Variants in ABCA1 observed in about 807,000 individuals in gnomAD.
The protein encoded by ABCA1 is ATP binding cassette subfamily A member 1, also known as phospholipid-transporting ATPase ABCA1.
ABCA1 carries 133 observed loss-of-function variants against 262.5 expected under a neutral mutation model. The observed-to-expected ratio is 0.51, with a 90% CI of 0.44 to 0.59. The LOEUF (loss-of-function observed/expected upper bound fraction) is 0.59, where lower values mean the gene tolerates loss of function less well. ABCA1 is among the 20% of genes least tolerant of loss of function. ABCA1 has a pLI of 0.00. For synonymous variants in ABCA1, 1,022 were observed against 1,043.5 expected, an observed-to-expected ratio of 0.98 and a Z score of 0.40; for missense variants, 2,452 against 2,777.5, an observed-to-expected ratio of 0.88 and a Z score of 2.63.
Position 104,802,127 on chromosome 9 carries a change from G to C in ABCA1, c.4625C>G (p.Thr1542Ser), listed in dbSNP as rs1166320596. 12 of 1,614,030 alleles carry C rather than the reference G, an allele frequency of 7.4e-6. No individual in the cohort carries two copies. The South Asian group carries it at 1.2e-4, about 16-fold the overall frequency. Residue 1542 changes from threonine (T) to serine (S), a missense_variant, in exon 34 of 50, where the codon ACT becomes AGT. Physicochemically the swap from Thr to Ser is moderately conservative, Grantham distance 58. Around this residue, in one of 4 missense-constraint regions of ABCA1, gnomAD observed 752 missense variants for 944.5 expected, o/e 0.80. Transcript: ENST00000374736. ...TTCTTGACTCGGAGGAAGTGCTTGA[G>C]TATTACTGACACCCAGGGAAAAGCC... ...YGGFSLGVSNTQALPPSQEVN... is the reference protein window; with the variant it reads ...YGGFSLGVSNSQALPPSQEVN...
rs934005022 is a variant in ABCA1, at chr9:104,920,340, C to G, written c.-93+7595G>C. 4.6e-5 allele frequency among the ~76,000 whole-genome samples: 7 copies of G among 152,240 alleles called. No homozygotes were observed. The East Asian group carries it at 1.4e-3, about 29-fold the overall frequency. ...TATGCATATTTGAAAAAAAGTTTAA[C>G]TAAAATTTAATGTTCCAAGTCTGAA... is the stretch of plus-strand genomic sequence containing the variant. On this transcript the variant is annotated intron_variant, in intron 1 of 49. Transcript: ENST00000374736.
rs2118381625 is a variant in ABCA1 at position 104,896,212 on chromosome 9, T to G, written c.67-7017A>C. 1.3e-5 allele frequency among the ~76,000 whole-genome samples: 2 copies of G among 152,280 alleles called. 1 individual carries two copies. The highest frequency in any genetic ancestry group is 4.1e-4 in the South Asian group (2 of 4,826). On this transcript the variant is annotated intron_variant, in intron 2 of 49. Coordinates refer to ENST00000374736, the MANE Select transcript of ABCA1 (RefSeq NM_005502.4). ...ATTCTCCTAAATAATAGCATTGCTA[T>G]TAGTCTCTGAAAACCAGTTAAATTA...
chr9:104,827,670 A>G (rs1047516222), intron 15 of ABCA1, among the ~76,000 whole-genome samples: 1 of 152,194 alleles, frequency 6.6e-6, no homozygotes, highest in Non-Finnish European at 1.5e-5. Context: ...TGATGGGTAC[A>G]TGTCTGCAGG....
intron 25 of ABCA1, among the ~76,000 whole-genome samples, chr9:104,815,827 G>A (rs764180083): frequency 1.3e-5 from 2 of 152,144 alleles, no homozygotes; most frequent in Non-Finnish European, 2.9e-5. Context: ...TCCTCACACT[G>A]TACTTAAGTA....
chr9:104,845,406 G>A, intron 8 of ABCA1, 71 bp downstream of exon 8: 2 of 1,107,642 alleles, frequency 1.8e-6, no homozygotes, highest in Non-Finnish European at 2.8e-6. Flanking sequence ...AGGACCTCTT[G>A]CCAGACTCAG....
chr9:104,893,554 T>C (rs751611440), intron 2 of ABCA1, among the ~76,000 whole-genome samples: 3 of 152,020 alleles, frequency 2.0e-5, no homozygotes, highest in Non-Finnish European at 4.4e-5. Flanking sequence ...AACTACCATT[T>C]GTACTTTAAG....
chr9:104,915,804 C>A (rs1396482497), intron 1 of ABCA1, among the ~76,000 whole-genome samples: 1 of 152,090 alleles, frequency 6.6e-6, no homozygotes. Flanking sequence ...CAATCCAATC[C>A]CCCAAGCAAC....
chr9:104,922,151 T>A (rs1433974638), intron 1 of ABCA1, among the ~76,000 whole-genome samples: 1 of 152,244 alleles, frequency 6.6e-6, no homozygotes, highest in Non-Finnish European at 1.5e-5. Context: ...GAATAAATGC[T>A]CTTTGCCTGA....
chr9:104,858,789 C>T (rs1836074890), intron 6 of ABCA1, 91 bp from the exon 7 acceptor site: 4 of 1,286,640 alleles, frequency 3.1e-6, no homozygotes, highest in African/African-American at 2.9e-5. Flanking sequence ...AACTTCATAT[C>T]AATACAGCTT....
intron 6 of ABCA1, among the ~76,000 whole-genome samples, chr9:104,860,386 C>A (rs1446391906): frequency 2.6e-5 from 4 of 152,190 alleles, no homozygotes; most frequent in Admixed American, 2.6e-4. Context: ...CCTAACCACA[C>A]AATTGGTAAA....
chr9:104,791,998 T>C lies in ABCA1; in HGVS notation c.5758A>G (p.Ile1920Val). 1.9e-6 allele frequency: 3 copies of C among 1,612,808 alleles called. No individual in the cohort carries two copies. The highest frequency in any genetic ancestry group is 1.3e-5 in the African/African-American group (1 of 75,010). Residue 1920 changes from isoleucine to valine, a missense_variant and splice_region_variant, in exon 43 of 50, where the codon ATA becomes GTA. Ile to Val is a conservative substitution (Grantham distance 29). Coordinates refer to ENST00000374736, the MANE Select transcript of ABCA1 (RefSeq NM_005502.4). ...GCAGGCTTCCGCTTCCTTCTATATA[T>C]CTGCAACAAACAAAATGTAAACATT... ...DILEIKELTK[I>V]YRRKRKPAVD...
chr9:104,876,957 T>C (rs1838217597), intron 5 of ABCA1, among the ~76,000 whole-genome samples: 1 of 152,206 alleles, frequency 6.6e-6, no homozygotes, highest in Non-Finnish European at 1.5e-5. Flanking sequence ...ATAGTATTTT[T>C]AAAAAATCTT....
chr9:104,799,399 C>CACAA (rs1830150716), intron 36 of ABCA1: 29 of 653,538 alleles, frequency 4.4e-5, no homozygotes, highest in Non-Finnish European at 5.3e-5. Flanking sequence ...AAACTTCACA[C>CACAA]ACACACACAC....
intron 9 of ABCA1, among the ~76,000 whole-genome samples, chr9:104,837,772 T>C (rs1167881917): frequency 6.6e-6 from 1 of 152,210 alleles, no homozygotes; most frequent in East Asian, 1.9e-4. Context: ...TGGAGAAGAT[T>C]ATCTCAGATT....
At chr9:104,811,783 A>G (rs1831303326) in intron 28 of ABCA1, among the ~76,000 whole-genome samples, 1 of 152,228 alleles carries the variant, frequency 6.6e-6, no homozygotes, top group Admixed American at 6.5e-5. Flanking sequence ...TTGTGTTATC[A>G]ATGGTCATCA....
chr9:104,906,889 C>T (rs1019823919), intron 1 of ABCA1, among the ~76,000 whole-genome samples: 2 of 152,158 alleles, frequency 1.3e-5, no homozygotes, highest in South Asian at 4.1e-4. Context: ...CACAGTCATC[C>T]CAGTCAATAG....
Position 104,803,817 on chromosome 9 carries a change from G to A in ABCA1, c.4560-501C>T, listed in dbSNP as rs146902497. Among the ~76,000 whole-genome samples the A allele has an allele frequency of 7.7e-3, 1,177 of 152,208 alleles. 6 individuals carry two copies. The highest frequency in any genetic ancestry group is 0.017 in the Middle Eastern group (5 of 294). ...AGACAGGGTTTCCCCATGTTGGCCA[G>A]GCTGGTCTCAAACTCCTGACCTCAA... On this transcript the variant is annotated intron_variant, in intron 32 of 49. Transcript: ENST00000374736.
chr9:104,787,606 T>C (rs1829039053), intron 46 of ABCA1, among the ~76,000 whole-genome samples: 1 of 152,228 alleles, frequency 6.6e-6, no homozygotes. Flanking sequence ...GTCCACACTC[T>C]TCATTTTCAG....
rs188327556 is a variant in ABCA1 at position 104,784,629 on chromosome 9, T to A, written c.6646-174A>T. On this transcript the variant is annotated intron_variant, in intron 49 of 49. Coordinates refer to ENST00000374736, the MANE Select transcript of ABCA1 (RefSeq NM_005502.4). Reference sequence around the variant, plus strand: ...AGGGAAGAATACTTGAAAAAAGCAATAACAACTTAAAAATAGACTTTTTTT... The same window carrying A: ...AGGGAAGAATACTTGAAAAAAGCAAAAACAACTTAAAAATAGACTTTTTTT... 2.8e-4 allele frequency among the ~76,000 whole-genome samples: 43 copies of A among 152,178 alleles called. No homozygotes were observed. The East Asian group carries it at 8.1e-3, about 29-fold the overall frequency.
Sources: gnomAD v4.1 joint callset for allele counts (sites outside exome capture counted in the v4.1 genomes callset) on GRCh38, gnomAD v4.1.1 for gene constraint, gnomAD v4.1.1 regional missense constraint, MANE v1.5 for transcripts, NCBI Gene and HGNC (gene_info 2026-07-23, HGNC 2026-07-21) for gene names.